The following IL1RAP variants were observed in gnomAD, a reference collection of about 807,000 sequenced individuals.
The protein encoded by IL1RAP is interleukin 1 receptor accessory protein, also known as interleukin-1 receptor accessory protein.
A neutral mutation model predicts 60.7 loss-of-function variants in IL1RAP; 35 were observed. The observed-to-expected ratio is 0.58, with a 90% confidence interval of 0.44 to 0.76. The LOEUF (loss-of-function observed/expected upper bound fraction) is 0.76, where lower values mean the gene tolerates loss of function less well. Among genes scored for constraint, IL1RAP ranks in the 30% least tolerant of loss-of-function variants. The pLI, the probability that IL1RAP is intolerant of heterozygous loss-of-function variation, is 0.00. For missense variants in IL1RAP, 572 were observed against 693.9 expected (o/e 0.82, Z 1.97); for synonymous variants, 268 against 250.9 (o/e 1.07, Z -0.64).
intron 5 of IL1RAP, among the ~76,000 whole-genome samples, chr3:190,615,061 C>CTTT (rs3836445): frequency 6.7e-6 from 1 of 149,648 alleles, no homozygotes. Context: ...TCTTTCTCCT[C>CTTT]TTTTTTTTTT....
chr3:190,623,291 A>T, intron 6 of IL1RAP, 53 bp from the exon 7 acceptor site: 1 of 1,401,588 alleles, frequency 7.1e-7, no homozygotes, highest in Non-Finnish European at 1.0e-6. Context: ...CAGAATTTTT[A>T]ATAAGGCTGC....
chr3:190,589,783 A>G (rs763243858), intron 3 of IL1RAP, among the ~76,000 whole-genome samples: 4 of 152,214 alleles, frequency 2.6e-5, no homozygotes, highest in Non-Finnish European at 5.9e-5. Context: ...AGTGTAAGAC[A>G]TGGTGTTGAA....
At chr3:190,551,051 G>A (rs540984816) in intron 1 of IL1RAP, among the ~76,000 whole-genome samples, 1 of 152,276 alleles carries the variant, frequency 6.6e-6, no homozygotes, top group East Asian at 1.9e-4. Context: ...GCCTAACCAT[G>A]GGTTTGTATC....
chr3:190,623,942 C>A (rs1227824586), intron 7 of IL1RAP, among the ~76,000 whole-genome samples: 1 of 152,116 alleles, frequency 6.6e-6, no homozygotes, highest in Non-Finnish European at 1.5e-5. Flanking sequence ...GATAACTGAC[C>A]AAATACGGGA....
intron 3 of IL1RAP, among the ~76,000 whole-genome samples, chr3:190,592,965 A>G (rs1252619510): frequency 2.0e-5 from 3 of 152,144 alleles, no homozygotes; most frequent in Non-Finnish European, 2.9e-5. Flanking sequence ...GGCAGTGTAA[A>G]TACCTGGTGC....
At position 190,586,124 on chromosome 3, in the gene IL1RAP, C is replaced by G. The variant is rs142100908; in HGVS notation, c.65-18004C>G. Among the ~76,000 whole-genome samples, 29 of 152,286 alleles carry G rather than the reference C, an allele frequency of 1.9e-4. 2 individuals carry two copies. The highest frequency in any genetic ancestry group is 6.3e-4 in the African/African-American group (26 of 41,576). ...TCTGTGAAGGCACCGATGAGTGTCA[C>G]CCATCTTGAAGTCCGAATTAAAAGT... On this transcript the variant is annotated intron_variant, in intron 3 of 11. Transcript: ENST00000447382.
At chr3:190,629,210 T>TAG (rs1215545079) in intron 8 of IL1RAP, 140 bp from the exon 9 acceptor site, 268 of 592,680 alleles carry the variant, frequency 4.5e-4, no homozygotes, top group Middle Eastern at 8.9e-4. Context: ...AATCACTGCA[T>TAG]TATAGGTGGC....
At chr3:190,528,862 G>A (rs941584323) in intron 1 of IL1RAP, among the ~76,000 whole-genome samples, 1 of 152,232 alleles carries the variant, frequency 6.6e-6, no homozygotes, top group Admixed American at 6.5e-5. Context: ...TTGGTAAGGA[G>A]AAGTGGTAAA....
At chr3:190,576,072 A>G (rs1283711489) in intron 3 of IL1RAP, among the ~76,000 whole-genome samples, 2 of 150,232 alleles carry the variant, frequency 1.3e-5, no homozygotes, top group Non-Finnish European at 3.0e-5. Flanking sequence ...GAAAAAAAAA[A>G]TAGTTAAATT....
intron 8 of IL1RAP, 95 bp from the exon 9 acceptor site, chr3:190,629,255 T>TG (rs1577777246): frequency 1.2e-6 from 1 of 809,066 alleles, no homozygotes; most frequent in East Asian, 2.6e-5. Context: ...TCACCTGTAG[T>TG]GGGGGTCTGT....
At chr3:190,558,681 C>G (rs1175186135) in intron 2 of IL1RAP, among the ~76,000 whole-genome samples, 1 of 152,048 alleles carries the variant, frequency 6.6e-6, no homozygotes, top group Non-Finnish European at 1.5e-5. Context: ...AAATTTTTCT[C>G]AATGTCTTAG....
At chr3:190,580,704 T>C (rs937576586) in intron 3 of IL1RAP, among the ~76,000 whole-genome samples, 1 of 152,190 alleles carries the variant, frequency 6.6e-6, no homozygotes, top group African/African-American at 2.4e-5. Flanking sequence ...GCAAGGTAAG[T>C]CCTAGAAATC....
chr3:190,645,562 C>G (rs1733955991), intron 10 of IL1RAP, 137 bp from the exon 11 acceptor site: 1 of 654,478 alleles, frequency 1.5e-6, no homozygotes. Flanking sequence ...TGCGTGGAGA[C>G]TTGTTGCAAG....
intron 3 of IL1RAP, among the ~76,000 whole-genome samples, chr3:190,603,281 T>A (rs1730016486): frequency 6.6e-6 from 1 of 152,148 alleles, no homozygotes; most frequent in East Asian, 1.9e-4. Flanking sequence ...AAATATAAAA[T>A]GGGTATGCAG....
intron 1 of IL1RAP, among the ~76,000 whole-genome samples, chr3:190,520,715 C>A (rs957543192): frequency 2.0e-5 from 3 of 152,122 alleles, no homozygotes; most frequent in African/African-American, 4.8e-5. Flanking sequence ...AACAGGTAAC[C>A]TTTTATGTCT....
intron 2 of IL1RAP, 189 bp from the exon 3 acceptor site, chr3:190,564,100 A>G (rs1726153253): frequency 7.1e-6 from 4 of 566,862 alleles, no homozygotes; most frequent in Non-Finnish European, 1.3e-5. Flanking sequence ...TTGAAAAACA[A>G]ACAACAAAAA....
At chr3:190,519,301 T>C (rs1287562235) in intron 1 of IL1RAP, among the ~76,000 whole-genome samples, 2 of 152,224 alleles carry the variant, frequency 1.3e-5, no homozygotes, top group Non-Finnish European at 2.9e-5. Context: ...CCTGGAGATG[T>C]ATTTTTCTGA....
chr3:190,654,355 C>T (rs115221120), downstream of IL1RAP, among the ~76,000 whole-genome samples: 10 of 152,206 alleles, frequency 6.6e-5, no homozygotes, highest in African/African-American at 2.2e-4. Context: ...GAGAGGCAGC[C>T]TCTTAAGATT....
intron 1 of IL1RAP, among the ~76,000 whole-genome samples, chr3:190,517,342 G>A (rs1392434413): frequency 6.6e-6 from 1 of 152,222 alleles, no homozygotes; most frequent in Non-Finnish European, 1.5e-5. Flanking sequence ...CTGGGAAGAA[G>A]ATTGAACAAC....
Sources: allele counts gnomAD v4.1 joint callset (sites outside exome capture counted in the v4.1 genomes callset), GRCh38; gene constraint gnomAD v4.1.1; transcripts MANE v1.5; gene names NCBI Gene and HGNC (gene_info 2026-07-23, HGNC 2026-07-21).